The following RLIG1 variants were observed in gnomAD, a reference collection of about 807,000 sequenced individuals.
RLIG1 encodes the protein RNA ligase 1.
At chr12:88,040,638 T>C in the RLIG1 span, among the ~76,000 whole-genome samples, 1 of 152,186 alleles carries the variant, frequency 6.6e-6, no homozygotes, top group African/African-American at 2.4e-5. Context: ...ATGGGACCTA[T>C]GTTCGTGTGA....
the RLIG1 span, chr12:88,035,811 C>T: frequency 1.9e-6 from 3 of 1,546,744 alleles, no homozygotes; most frequent in Non-Finnish European, 2.6e-6. Flanking sequence ...AGTGCGAACC[C>T]GGCGAGGGCG....
At chr12:88,042,866 A>G in the RLIG1 span, 2 of 1,568,896 alleles carry the variant, frequency 1.3e-6, no homozygotes, top group Non-Finnish European at 1.7e-6. Flanking sequence ...AAAACCCAAC[A>G]AACAAGCTGA....
At chr12:88,043,040 T>C in the RLIG1 span, 2 of 464,788 alleles carry the variant, frequency 4.3e-6, no homozygotes, top group Non-Finnish European at 7.5e-6. Flanking sequence ...AAAACTATAA[T>C]TGAATACTTT....
chr12:88,039,059 G>A, the RLIG1 span, among the ~76,000 whole-genome samples: 1 of 152,110 alleles, frequency 6.6e-6, no homozygotes, highest in South Asian at 2.1e-4. Context: ...CAAGAAGTAT[G>A]CCAAAACGTT....
the RLIG1 span, chr12:88,043,972 CAA>C: frequency 4.5e-6 from 2 of 440,964 alleles, no homozygotes; most frequent in South Asian, 2.5e-5. Flanking sequence ...AATAAAGCGT[CAA>C]AAGAGAATAG....
chr12:88,043,219 G>T, the RLIG1 span, among the ~76,000 whole-genome samples: 1 of 151,814 alleles, frequency 6.6e-6, no homozygotes, highest in African/African-American at 2.4e-5. Context: ...CAAATCTCAG[G>T]AAATTAATAT....
the RLIG1 span, among the ~76,000 whole-genome samples, chr12:88,047,456 C>A: frequency 1.3e-5 from 2 of 152,102 alleles, no homozygotes; most frequent in Non-Finnish European, 2.9e-5. Flanking sequence ...CTAGTTGTAA[C>A]TCTCTGAGTC....
chr12:88,046,728 CTT>C, the RLIG1 span: 2 of 1,317,690 alleles, frequency 1.5e-6, no homozygotes, highest in African/African-American at 3.0e-5. Flanking sequence ...TTTCAAAAGA[CTT>C]TATTTGAAGA....
chr12:88,041,977 TATTACTACTAAAGA>T, the RLIG1 span: 12 of 152,214 alleles, frequency 7.9e-5, no homozygotes, highest in African/African-American at 2.9e-4. Context: ...AATCCACATT[TATTACTACTAAAGA>T]ATTACTACTA....
the RLIG1 span, chr12:88,048,623 CATAAGTA>C: frequency 7.9e-6 from 3 of 380,466 alleles, no homozygotes; most frequent in African/African-American, 6.4e-5. Context: ...GCCATAAAAA[CATAAGTA>C]ATAGTAAGCT....
chr12:88,035,579 G>T, the RLIG1 span: 1 of 1,489,670 alleles, frequency 6.7e-7, no homozygotes, highest in Non-Finnish European at 9.2e-7. Context: ...CTGCTTCAGG[G>T]CTTCTCCGCG....
chr12:88,048,414 G>T, the RLIG1 span: 1 of 1,408,362 alleles, frequency 7.1e-7, no homozygotes, highest in East Asian at 2.5e-5. Context: ...TATAATATTT[G>T]ATGTATAAAA....
the RLIG1 span, chr12:88,035,882 CTG>C: frequency 6.6e-7 from 1 of 1,507,270 alleles, no homozygotes; most frequent in Non-Finnish European, 8.8e-7. Flanking sequence ...CTGGGGAGGT[CTG>C]GGGTGGGAGT....
the RLIG1 span, among the ~76,000 whole-genome samples, chr12:88,036,614 G>C: frequency 6.6e-6 from 1 of 152,152 alleles, no homozygotes; most frequent in African/African-American, 2.4e-5. Flanking sequence ...ATGAACCCTG[G>C]AATCATTTCA....
At chr12:88,036,118 A>G in the RLIG1 span, 26 of 1,308,238 alleles carry the variant, frequency 2.0e-5, no homozygotes, top group Non-Finnish European at 2.6e-5. Flanking sequence ...AGAGTGCAGT[A>G]AGAAAGGGTG....
the RLIG1 span, chr12:88,035,924 A>G: frequency 3.4e-5 from 51 of 1,514,658 alleles, no homozygotes; most frequent in Non-Finnish European, 4.3e-5. Context: ...AGGTTCTTGT[A>G]CTTTTCTTAG....
At chr12:88,049,252 T>C in the RLIG1 span, 3 of 1,609,668 alleles carry the variant, frequency 1.9e-6, no homozygotes, top group Non-Finnish European at 2.5e-6. Context: ...GCAACAGGGC[T>C]AGTTAATTCA....
chr12:88,037,275 C>T, the RLIG1 span, among the ~76,000 whole-genome samples: 7 of 152,074 alleles, frequency 4.6e-5, no homozygotes, highest in Admixed American at 4.6e-4. Flanking sequence ...AGTGATTTCC[C>T]CTACCCAGAA....
chr12:88,044,012 C>G, the RLIG1 span: 157 of 323,490 alleles, frequency 4.9e-4, no homozygotes, highest in Admixed American at 8.4e-4. Context: ...GTGGTCACAC[C>G]TGTAATCCCA....
Sources: allele counts gnomAD v4.1 joint callset (sites outside exome capture counted in the v4.1 genomes callset), GRCh38; gene constraint gnomAD v4.1.1; transcripts MANE v1.5; gene names NCBI Gene and HGNC (gene_info 2026-07-23, HGNC 2026-07-21).